Variants in ADIPOQ observed in about 807,000 individuals in gnomAD.
ADIPOQ encodes the protein adiponectin, C1Q and collagen domain containing.
A neutral mutation model predicts 16.1 loss-of-function variants in ADIPOQ; 19 were observed. The observed-to-expected ratio is 1.18, with a 90% CI of 0.82 to 1.73. The LOEUF (loss-of-function observed/expected upper bound fraction) is 1.73, where lower values mean the gene tolerates loss of function less well. ADIPOQ is among the 40% of genes most tolerant of loss of function. The probability of loss-of-function intolerance (pLI) is 0.00; values close to 1 mark genes in which losing one functional copy is unlikely to be tolerated. For missense variants in ADIPOQ, 323 were observed against 308.3 expected (o/e 1.05, Z -0.36); for synonymous variants, 124 against 125.5 (o/e 0.99, Z 0.08).
At chr3:186,848,064 T>C (rs1711625164) in intron 1 of ADIPOQ, among the ~76,000 whole-genome samples, 1 of 151,656 alleles carries the variant, frequency 6.6e-6, no homozygotes, top group South Asian at 2.1e-4. Flanking sequence ...TCCCAGCTAC[T>C]TGGGAGGGTG....
intron 1 of ADIPOQ, among the ~76,000 whole-genome samples, chr3:186,844,476 A>C (rs1395534970): frequency 2.1e-5 from 3 of 143,138 alleles, no homozygotes; most frequent in African/African-American, 5.3e-5. Flanking sequence ...ACAGCATTGC[A>C]CTCCAGCCTG....
Position 186,853,244 on chromosome 3 carries a change from T to C in ADIPOQ, c.186T>C (p.Pro62=), listed in dbSNP as rs375690358. ...APGRDGRDGT[P]GEKGEKGDPG... ...GCCGTGATGGCAGAGATGGCACCCCTGGTGAGAAGGGTGAGAAAGGAGATC... is the reference window on the plus strand; with the variant it reads ...GCCGTGATGGCAGAGATGGCACCCCCGGTGAGAAGGGTGAGAAAGGAGATC... Residue 62 remains proline (P), a synonymous_variant, in exon 2 of 3, where the codon CCT becomes CCC. Transcript: ENST00000320741. 2.5e-6 allele frequency: 4 copies of C among 1,610,856 alleles called. No individual in the cohort carries two copies. Among genetic ancestry groups the C allele is most frequent in the Non-Finnish European group, 2.5e-6 (3 of 1,178,512 alleles).
rs1711844701 is a variant in ADIPOQ, at chr3:186,853,136, A to G, written c.78A>G (p.Gly26=). ...AGGAAACCACGACTCAAGGGCCCGG[A>G]GTCCTGCTTCCCCTGCCCAAGGGGG... ...HDQETTTQGP[G]VLLPLPKGAC... is the part of the protein sequence containing the mutation. Residue 26 remains glycine (G), a synonymous_variant, in exon 2 of 3, where the codon GGA becomes GGG. Coordinates refer to ENST00000320741, the MANE Select transcript of ADIPOQ (RefSeq NM_004797.4). 1 of 1,614,072 alleles carries G rather than the reference A, an allele frequency of 6.2e-7. No individual in the cohort carries two copies. The highest frequency in any genetic ancestry group is 1.7e-5 in the Admixed American group (1 of 60,002).
rs111834168 is a variant in ADIPOQ at position 186,844,685 on chromosome 3, A to G, written c.-9+1936A>G. ...TAGCCTCCTGAGTAGCTGGGACTACAGGTGTGTGCAACCATGCCTGGCTAA... is the reference window on the plus strand; with the variant it reads ...TAGCCTCCTGAGTAGCTGGGACTACGGGTGTGTGCAACCATGCCTGGCTAA... On this transcript the variant is annotated intron_variant, in intron 1 of 2. Coordinates refer to ENST00000320741, the MANE Select transcript of ADIPOQ (RefSeq NM_004797.4). Among the ~76,000 whole-genome samples, 442 of 152,126 alleles carry G rather than the reference A, an allele frequency of 2.9e-3. 1 individual carries two copies. The highest frequency in any genetic ancestry group is 0.01 in the African/African-American group (420 of 41,502).
chr3:186,848,071 G>A (rs1033538880), intron 1 of ADIPOQ, among the ~76,000 whole-genome samples: 1 of 151,984 alleles, frequency 6.6e-6, no homozygotes, highest in East Asian at 1.9e-4. Context: ...TACTTGGGAG[G>A]GTGAGGCAGG....
chr3:186,853,399 C>A, intron 2 of ADIPOQ, 127 bp downstream of exon 2: 1 of 1,215,906 alleles, frequency 8.2e-7, no homozygotes, highest in Non-Finnish European at 1.2e-6. Context: ...TAACCATAAG[C>A]AACCTGAAGT....
Position 186,854,841 on chromosome 3 carries a change from C to A in ADIPOQ, c.*137C>A. ...TCATTCATTTACTCATTCATTTATT[C>A]ATTCATTCATCGAGTAACTTTAAAA... On this transcript the variant is annotated 3_prime_UTR_variant, in exon 3 of 3. Coordinates refer to ENST00000320741, the MANE Select transcript of ADIPOQ (RefSeq NM_004797.4). The A allele has an allele frequency of 1.6e-6, 2 of 1,266,108 alleles. No homozygotes were observed. Among genetic ancestry groups the A allele is most frequent in the Non-Finnish European group, 2.2e-6 (2 of 896,302 alleles). 78.4% of individuals were successfully genotyped at this position (1,266,108 alleles called of 1,614,324 possible).
Position 186,853,366 on chromosome 3 carries a change from G to A in ADIPOQ, c.214+94G>A, listed in dbSNP as rs1711860634. ...TTATTAACTAAGGCCTAGACACAGG[G>A]AGAAAGCAAAGCTTTTTTATGTTAA... On this transcript the variant is annotated intron_variant, in intron 2 of 2. Transcript: ENST00000320741. The A allele has an allele frequency of 2.8e-6, 4 of 1,453,334 alleles. No homozygotes were observed. In the Admixed American group the frequency reaches 7.9e-5, roughly 29 times the overall value. The allele number at this position is 1,453,334 out of a possible 1,614,324, so 90.0% of individuals were successfully genotyped here.
intron 1 of ADIPOQ, among the ~76,000 whole-genome samples, chr3:186,849,000 A>C (rs1360984617): frequency 6.6e-6 from 1 of 152,148 alleles, no homozygotes; most frequent in Non-Finnish European, 1.5e-5. Flanking sequence ...GGCTGATCGC[A>C]CCTATTAGTG....
chr3:186,857,344 A>C lies in ADIPOQ; in HGVS notation c.*2640A>C, dbSNP rs1712043144. ...TTGGGACACTGTTATCAGAAATAGG[A>C]GAGTGGATGATAGATGCAAAATAAT... On this transcript the variant is annotated 3_prime_UTR_variant, in exon 3 of 3. Transcript: ENST00000320741. 6.6e-6 allele frequency: 1 copy of C among 152,232 alleles called. No individual in the cohort carries two copies. The highest frequency in any genetic ancestry group is 1.5e-5 in the Non-Finnish European group (1 of 68,044). The allele number at this position is 152,232 out of a possible 1,614,324, so 9.4% of individuals were successfully genotyped here. A position where few individuals can be genotyped will look rare whatever the true frequency, so the allele number is the denominator to read the frequency against.
chr3:186,851,117 T>C (rs1711752584), intron 1 of ADIPOQ, among the ~76,000 whole-genome samples: 1 of 152,148 alleles, frequency 6.6e-6, no homozygotes, highest in African/African-American at 2.4e-5. Context: ...GGAGTAGGTT[T>C]GTCTTCAACA....
Position 186,854,527 on chromosome 3 carries a change from T to TAG in ADIPOQ, c.558_559insAG (p.Asp187ArgfsTer63). The TAG allele has an allele frequency of 6.2e-7, 1 of 1,614,248 alleles. No individual in the cohort carries two copies. ...AGGACAAGGCTATGCTCTTCACCTA[T>TAG]GATCAGTACCAGGAAAATAATGTGG... On this transcript the variant is annotated frameshift_variant, in exon 3 of 3. Transcript: ENST00000320741. LOFTEE classifies it high-confidence loss of function.
intron 1 of ADIPOQ, among the ~76,000 whole-genome samples, chr3:186,851,418 T>A (rs971493162): frequency 7.2e-5 from 11 of 151,952 alleles, no homozygotes; most frequent in Non-Finnish European, 4.4e-5. Context: ...AGGCCTAAGA[T>A]CCCCCTAAGA....
At position 186,848,209 on chromosome 3, in the gene ADIPOQ, G is replaced by GGAAGGAAGGAAGGAAGGAAA. The variant is rs1426311290; in HGVS notation, c.-8-4802_-8-4783dup. Among the ~76,000 whole-genome samples, 80 of 127,596 alleles carry GGAAGGAAGGAAGGAAGGAAA rather than the reference G, an allele frequency of 6.3e-4. 1 individual carries two copies. The highest frequency in any genetic ancestry group is 2.3e-3 in the African/African-American group (76 of 33,598). 83.7% of individuals were successfully genotyped at this position (127,596 alleles called of 152,430 possible). On this transcript the variant is annotated intron_variant, in intron 1 of 2. Coordinates refer to ENST00000320741, the MANE Select transcript of ADIPOQ (RefSeq NM_004797.4). ...AAAAAGAGAGAGAGAAAAGAAGGAA[G>GGAAGGAAGGAAGGAAGGAAA]GAAGGAAGGAAGGAAGGAAAGAAGG...
chr3:186,848,500 G>A (rs529981275), intron 1 of ADIPOQ, among the ~76,000 whole-genome samples: 1 of 152,152 alleles, frequency 6.6e-6, no homozygotes, highest in African/African-American at 2.4e-5. Flanking sequence ...ATCGCATCAC[G>A]GTGCCTCCGA....
intron 1 of ADIPOQ, among the ~76,000 whole-genome samples, chr3:186,850,015 T>C (rs1356661182): frequency 6.6e-6 from 1 of 152,178 alleles, no homozygotes; most frequent in Admixed American, 6.5e-5. Flanking sequence ...ATGCTTTTAA[T>C]CCCAGGACTT....
intron 1 of ADIPOQ, 54 bp from the exon 2 acceptor site, chr3:186,852,997 G>A: frequency 6.4e-7 from 1 of 1,558,132 alleles, no homozygotes; most frequent in Non-Finnish European, 8.8e-7. Flanking sequence ...TCCCAACTGG[G>A]TGTGTGTGTG....
At chr3:186,844,059 G>A (rs1440311924) in intron 1 of ADIPOQ, among the ~76,000 whole-genome samples, 1 of 152,168 alleles carries the variant, frequency 6.6e-6, no homozygotes, top group East Asian at 1.9e-4. Context: ...TGGGGAGATG[G>A]GGGTCCCTTT....
At chr3:186,853,999 C>A in intron 2 of ADIPOQ, 185 bp from the exon 3 acceptor site, 1 of 618,930 alleles carries the variant, frequency 1.6e-6, no homozygotes, top group Non-Finnish European at 2.8e-6. Flanking sequence ...ATGGGAGCCT[C>A]CATGTCTGTG....
Sources: gnomAD v4.1 joint callset for allele counts (sites outside exome capture counted in the v4.1 genomes callset) on GRCh38, gnomAD v4.1.1 for gene constraint, MANE v1.5 for transcripts, NCBI Gene and HGNC (gene_info 2026-07-23, HGNC 2026-07-21) for gene names.